CDH20: variants seen among roughly 807,000 people sequenced by gnomAD.
CDH20 encodes cadherin 20, also known as cadherin-20.
Under a neutral mutation model 74.2 loss-of-function variants are expected in CDH20, and 29 were observed. The observed-to-expected ratio is 0.39, with a 90% CI of 0.29 to 0.53. The LOEUF (loss-of-function observed/expected upper bound fraction) is 0.53. CDH20 is among the 20% of genes least tolerant of loss of function. The pLI is 0.69. For missense variants in CDH20, 988 were observed against 1,048.3 expected, an observed-to-expected ratio of 0.94 and a Z score of 0.79; for synonymous variants, 469 against 405.4, an observed-to-expected ratio of 1.16 and a Z score of -1.88.
At chr18:61,402,120 A>G (rs1478492581) in intron 1 of CDH20, among the ~76,000 whole-genome samples, 2 of 152,162 alleles carry the variant, frequency 1.3e-5, no homozygotes, top group African/African-American at 2.4e-5. Flanking sequence ...CCTCACCTTG[A>G]CTTCTCAGAC....
intron 1 of CDH20, among the ~76,000 whole-genome samples, chr18:61,365,138 C>G (rs575760708): frequency 1.2e-4 from 18 of 152,300 alleles, no homozygotes; most frequent in Admixed American, 4.6e-4. Flanking sequence ...AGACACTGTC[C>G]TTCATTCTAC....
At position 61,486,624 on chromosome 18, in the gene CDH20, C is replaced by T. The variant is rs185219806; in HGVS notation, c.-152-3778C>T. On this transcript the variant is annotated intron_variant, in intron 1 of 11. Transcript: ENST00000262717. ...TGTTTCATTGTACTATCTAAGATCT[C>T]CATAAAGTCTCTCTTTTAAGTGCAT... Among the ~76,000 whole-genome samples the T allele has an allele frequency of 1.1e-4, 6 of 54,436 alleles. No homozygotes were observed. The East Asian group carries it at 3.1e-3, about 28-fold the overall frequency. The allele number at this position is 54,436 out of a possible 152,430, so 35.7% of individuals were successfully genotyped here.
intron 1 of CDH20, among the ~76,000 whole-genome samples, chr18:61,423,916 A>T (rs1290313936): frequency 3.3e-5 from 5 of 152,208 alleles, no homozygotes; most frequent in Admixed American, 1.3e-4. Flanking sequence ...CAAAGATTTT[A>T]ATCCTTTCTA....
intron 1 of CDH20, among the ~76,000 whole-genome samples, chr18:61,412,346 T>C (rs1470714772): frequency 6.6e-6 from 1 of 152,174 alleles, no homozygotes; most frequent in Non-Finnish European, 1.5e-5. Flanking sequence ...TTACAGAAAG[T>C]GCAGAAAAAT....
At chr18:61,498,349 A>G (rs1236941209) in intron 2 of CDH20, among the ~76,000 whole-genome samples, 1 of 151,586 alleles carries the variant, frequency 6.6e-6, no homozygotes, top group Non-Finnish European at 1.5e-5. Context: ...GCAGTGAGCT[A>G]AAATCATGCC....
intron 1 of CDH20, among the ~76,000 whole-genome samples, chr18:61,469,371 ACACAC>A (rs1910078736): frequency 1.8e-5 from 2 of 112,192 alleles, no homozygotes; most frequent in Non-Finnish European, 3.8e-5. Flanking sequence ...GAATACACAC[ACACAC>A]ACACACACAC....
chr18:61,494,934 A>T (rs1006863110), intron 2 of CDH20, among the ~76,000 whole-genome samples: 1 of 152,178 alleles, frequency 6.6e-6, no homozygotes, highest in African/African-American at 2.4e-5. Flanking sequence ...AGTGAACATC[A>T]TTCTTGTTTT....
At chr18:61,554,071 C>T in intron 11 of CDH20, 119 bp from the exon 12 acceptor site, 1 of 1,221,314 alleles carries the variant, frequency 8.2e-7, no homozygotes, top group East Asian at 2.4e-5. Context: ...CAAAAGCTAT[C>T]TCTGAGCCCT....
intron 1 of CDH20, among the ~76,000 whole-genome samples, chr18:61,385,371 A>G (rs1372129686): frequency 6.6e-6 from 1 of 152,104 alleles, no homozygotes; most frequent in Admixed American, 6.5e-5. Context: ...ATAAATATCC[A>G]TACTTAGGTT....
intron 1 of CDH20, among the ~76,000 whole-genome samples, chr18:61,352,450 A>G (rs902742189): frequency 1.3e-5 from 2 of 152,210 alleles, no homozygotes; most frequent in African/African-American, 4.8e-5. Context: ...TTTGCCCTCT[A>G]TGATAACTAT....
In CDH20 at chr18:61,503,014, T is replaced by C. The variant is rs1171365158; in HGVS notation, c.723T>C (p.Ile241=). ...AAGCCAAAGAATACTACGAAGTGAT[T>C]ATCCAAGCCAAGGACATGGGAGGGC... ...DREAKEYYEV[I]IQAKDMGGQL... is the part of the protein sequence containing the mutation. Residue 241 remains isoleucine (I), a synonymous_variant, in exon 5 of 12, where the codon ATT becomes ATC. Coordinates refer to ENST00000262717, the MANE Select transcript of CDH20 (RefSeq NM_031891.4). 1 of 1,613,952 alleles carries C rather than the reference T, an allele frequency of 6.2e-7. No individual in the cohort carries two copies. The highest frequency in any genetic ancestry group is 1.7e-5 in the Admixed American group (1 of 60,008).
intron 9 of CDH20, among the ~76,000 whole-genome samples, chr18:61,543,384 G>A (rs751384232): frequency 3.3e-5 from 5 of 152,188 alleles, no homozygotes; most frequent in Non-Finnish European, 5.9e-5. Context: ...GGAATAGTCT[G>A]TGCTGTTGCT....
At chr18:61,461,246 A>G (rs1307852651) in intron 1 of CDH20, among the ~76,000 whole-genome samples, 1 of 151,672 alleles carries the variant, frequency 6.6e-6, no homozygotes, top group Non-Finnish European at 1.5e-5. Context: ...GATCAAAATG[A>G]TTACTAACTA....
chr18:61,445,126 T>C (rs1406033520), intron 1 of CDH20, among the ~76,000 whole-genome samples: 1 of 152,140 alleles, frequency 6.6e-6, no homozygotes, highest in East Asian at 1.9e-4. Context: ...AATTTTCTAG[T>C]CTGCCCTACT....
intron 1 of CDH20, among the ~76,000 whole-genome samples, chr18:61,345,453 G>C (rs17068201): frequency 0.018 from 2,685 of 152,214 alleles, 73 homozygotes; most frequent in African/African-American, 0.061. Context: ...TGCTGTTAAT[G>C]AAACAGTTTT....
chr18:61,382,785 G>A (rs1240511078), intron 1 of CDH20, among the ~76,000 whole-genome samples: 2 of 152,200 alleles, frequency 1.3e-5, no homozygotes, highest in African/African-American at 2.4e-5. Flanking sequence ...TAGCAGGGAA[G>A]CTTAAGGAGA....
At position 61,545,013 on chromosome 18, in the gene CDH20, T is replaced by A. The variant is rs949151637; in HGVS notation, c.1531-14T>A. ...TTTGGCTCCAACTCACCTGATTTCA[T>A]GTCCCTCCCTCAGCTGATCCAGACA... On this transcript the variant is annotated splice_polypyrimidine_tract_variant and intron_variant, in intron 9 of 11. Coordinates refer to ENST00000262717, the MANE Select transcript of CDH20 (RefSeq NM_031891.4). 4 of 1,578,172 alleles carry A rather than the reference T, an allele frequency of 2.5e-6. No individual in the cohort carries two copies. Among genetic ancestry groups the A allele is most frequent in the Non-Finnish European group, 3.5e-6 (4 of 1,147,198 alleles).
intron 1 of CDH20, among the ~76,000 whole-genome samples, chr18:61,358,259 C>T (rs557087207): frequency 5.9e-5 from 9 of 151,504 alleles, no homozygotes; most frequent in South Asian, 4.2e-4. Flanking sequence ...GGACTACAGG[C>T]GCCCGCCACC....
intron 2 of CDH20, among the ~76,000 whole-genome samples, chr18:61,492,348 C>T (rs1212502623): frequency 6.6e-6 from 1 of 152,122 alleles, no homozygotes; most frequent in Non-Finnish European, 1.5e-5. Context: ...GTCACCTGGG[C>T]AAGTACCTAG....
Sources: allele counts gnomAD v4.1 joint callset (sites outside exome capture counted in the v4.1 genomes callset), GRCh38; gene constraint gnomAD v4.1.1; transcripts MANE v1.5; gene names NCBI Gene and HGNC (gene_info 2026-07-23, HGNC 2026-07-21).